Variants in GALNT13 observed in about 807,000 individuals in gnomAD.
The protein encoded by GALNT13 is polypeptide N-acetylgalactosaminyltransferase 13.
GALNT13 carries 28 observed loss-of-function variants against 64.2 expected under a neutral mutation model. The observed-to-expected ratio is 0.44, with a 90% CI of 0.32 to 0.60. The LOEUF (loss-of-function observed/expected upper bound fraction) is 0.60. Ranked by LOEUF, GALNT13 falls within the 20% of genes least tolerant of loss-of-function variation. GALNT13 has a pLI of 0.05. For missense variants in GALNT13, 577 were observed against 669.8 expected (o/e 0.86, Z 1.53); for synonymous variants, 214 against 224.6 (o/e 0.95, Z 0.42).
At chr2:153,541,111 G>A in the GALNT13 span, among the ~76,000 whole-genome samples, 25 of 152,160 alleles carry the variant, frequency 1.6e-4, no homozygotes, top group African/African-American at 5.3e-4. Flanking sequence ...ATCCCCAGGT[G>A]TTGTGGGAGG....
At chr2:153,072,993 C>T in the GALNT13 span, among the ~76,000 whole-genome samples, 6 of 152,166 alleles carry the variant, frequency 3.9e-5, no homozygotes, top group Admixed American at 3.3e-4. Flanking sequence ...TAAGGACTGG[C>T]GGTTTCACAG....
chr2:153,118,805 T>C, the GALNT13 span, among the ~76,000 whole-genome samples: 2 of 152,194 alleles, frequency 1.3e-5, no homozygotes, highest in African/African-American at 4.8e-5. Context: ...ATTATCTTCA[T>C]ATTATAGGTG....
the GALNT13 span, among the ~76,000 whole-genome samples, chr2:153,384,603 A>G: frequency 9.9e-4 from 151 of 152,098 alleles, 1 homozygote; most frequent in East Asian, 2.7e-3. Flanking sequence ...TTTAAAGGCA[A>G]GATGGAAATC....
chr2:153,623,700 T>A, the GALNT13 span, among the ~76,000 whole-genome samples: 1 of 151,990 alleles, frequency 6.6e-6, no homozygotes, highest in African/African-American at 2.4e-5. Flanking sequence ...TATTTAAAAT[T>A]TTTAGCTTGA....
At chr2:153,456,669 C>T in the GALNT13 span, among the ~76,000 whole-genome samples, 1 of 152,088 alleles carries the variant, frequency 6.6e-6, no homozygotes, top group African/African-American at 2.4e-5. Flanking sequence ...GTTTTTAATC[C>T]TCATAACAAC....
At chr2:153,874,199 A>G (rs1204352859) in intron 1 of GALNT13, among the ~76,000 whole-genome samples, 1 of 146,404 alleles carries the variant, frequency 6.8e-6, no homozygotes, top group Non-Finnish European at 1.5e-5. Context: ...ATAGGTCTGG[A>G]GAATTTGCGT....
At chr2:154,218,748 G>A (rs1688176113) in intron 4 of GALNT13, among the ~76,000 whole-genome samples, 1 of 151,758 alleles carries the variant, frequency 6.6e-6, no homozygotes, top group Admixed American at 6.6e-5. Flanking sequence ...TTCCTCTTTT[G>A]CCTTTCATAC....
At chr2:153,785,251 G>A in the GALNT13 span, among the ~76,000 whole-genome samples, 4 of 152,214 alleles carry the variant, frequency 2.6e-5, no homozygotes, top group East Asian at 5.8e-4. Flanking sequence ...TTTTTTATGC[G>A]AGTCCCTAAT....
intron 3 of GALNT13, among the ~76,000 whole-genome samples, chr2:154,018,323 A>G (rs1048446997): frequency 6.6e-6 from 1 of 152,214 alleles, no homozygotes; most frequent in Non-Finnish European, 1.5e-5. Context: ...GCAAAATGCA[A>G]TTAAAGTAGC....
At chr2:154,036,592 T>C (rs1317513000) in intron 3 of GALNT13, among the ~76,000 whole-genome samples, 1 of 152,138 alleles carries the variant, frequency 6.6e-6, no homozygotes, top group African/African-American at 2.4e-5. Context: ...AATATGTGTG[T>C]ACCTGTGTGT....
intron 4 of GALNT13, among the ~76,000 whole-genome samples, chr2:154,180,515 T>TA (rs72154366): frequency 2.0e-5 from 3 of 149,444 alleles, no homozygotes; most frequent in African/African-American, 7.4e-5. Flanking sequence ...AAGTACCTGT[T>TA]AAAAAAATAG....
chr2:154,048,478 C>T (rs1030404328), intron 3 of GALNT13, among the ~76,000 whole-genome samples: 2 of 152,074 alleles, frequency 1.3e-5, no homozygotes, highest in African/African-American at 2.4e-5. Context: ...TACATGAGCT[C>T]GATTTATTTT....
chr2:153,949,669 A>G (rs545444326), intron 3 of GALNT13, among the ~76,000 whole-genome samples: 32 of 152,240 alleles, frequency 2.1e-4, no homozygotes, highest in African/African-American at 7.7e-4. Flanking sequence ...GGAGAAAAAT[A>G]CAGAGTGGGG....
rs570657388 is a variant in GALNT13 at position 154,137,780 on chromosome 2, G to A, written c.143-2557G>A. On this transcript the variant is annotated intron_variant, in intron 3 of 12. Coordinates refer to ENST00000392825, the MANE Select transcript of GALNT13 (RefSeq NM_052917.4). ...TGTGTTGATTATGGTGACTTTCTCT[G>A]CAGCATGTCTTTTTATCAGTTTACA... is the stretch of plus-strand genomic sequence containing the variant. 1.4e-4 allele frequency among the ~76,000 whole-genome samples: 21 copies of A among 152,082 alleles called. No homozygotes were observed. The East Asian group carries it at 3.7e-3, about 27-fold the overall frequency.
the GALNT13 span, among the ~76,000 whole-genome samples, chr2:153,105,366 C>A: frequency 6.6e-6 from 1 of 152,122 alleles, no homozygotes; most frequent in Non-Finnish European, 1.5e-5. Flanking sequence ...ATTGATGGGA[C>A]GTATCTCAAA....
the GALNT13 span, among the ~76,000 whole-genome samples, chr2:153,778,151 T>C: frequency 6.6e-6 from 1 of 152,118 alleles, no homozygotes; most frequent in Non-Finnish European, 1.5e-5. Flanking sequence ...TATCCTGGTG[T>C]GCTTCTATGC....
the GALNT13 span, among the ~76,000 whole-genome samples, chr2:153,671,236 A>T: frequency 4.0e-3 from 615 of 152,320 alleles, 2 homozygotes; most frequent in African/African-American, 0.014. Context: ...AGCAACCCCA[A>T]GACACATGAT....
At chr2:153,881,677 A>G (rs1167287216) in intron 1 of GALNT13, among the ~76,000 whole-genome samples, 3 of 152,168 alleles carry the variant, frequency 2.0e-5, no homozygotes, top group African/African-American at 7.2e-5. Flanking sequence ...AAGGAAAACT[A>G]ACTTCCACAA....
chr2:154,456,487 C>T (rs1249956146), downstream of GALNT13, among the ~76,000 whole-genome samples: 1 of 151,776 alleles, frequency 6.6e-6, no homozygotes, highest in Non-Finnish European at 1.5e-5. Flanking sequence ...AGATAAACAA[C>T]GTCACTATTT....
Sources: allele counts gnomAD v4.1 joint callset (sites outside exome capture counted in the v4.1 genomes callset), GRCh38; gene constraint gnomAD v4.1.1; transcripts MANE v1.5; gene names NCBI Gene and HGNC (gene_info 2026-07-23, HGNC 2026-07-21).